Variants in MAP4 observed in about 807,000 individuals in gnomAD.
MAP4 encodes microtubule associated protein 4.
Under a neutral mutation model 170.2 loss-of-function variants are expected in MAP4, and 76 were observed. The observed-to-expected ratio is 0.45, with a 90% CI of 0.37 to 0.54. MAP4 has a LOEUF of 0.54. Among genes scored for constraint, MAP4 ranks in the 20% least tolerant of loss-of-function variants. The pLI, the probability that MAP4 is intolerant of heterozygous loss-of-function variation, is 0.00. For synonymous variants in MAP4, 909 were observed against 994.5 expected, an observed-to-expected ratio of 0.91 and a Z score of 1.62; for missense variants, 2,506 against 2,748.0, an observed-to-expected ratio of 0.91 and a Z score of 1.97.
At chr3:48,086,496 G>A (rs139649342) in intron 1 of MAP4, among the ~76,000 whole-genome samples, 10 of 152,062 alleles carry the variant, frequency 6.6e-5, no homozygotes, top group East Asian at 1.9e-4. Context: ...AAAATCAGCC[G>A]AGTGTGGTGG....
chr3:47,858,076 C>T (rs577095508), intron 17 of MAP4, among the ~76,000 whole-genome samples: 10 of 149,184 alleles, frequency 6.7e-5, no homozygotes, highest in Admixed American at 1.3e-4. Flanking sequence ...CAGGCTGGCA[C>T]GATCTTGGCT....
At position 47,858,467 on chromosome 3, in the gene MAP4, T is replaced by C. The variant is rs2060083886; in HGVS notation, c.6502-955A>G. On this transcript the variant is annotated intron_variant, in intron 17 of 20. Transcript: ENST00000683076. Reference sequence around the variant, plus strand: ...CACCAGCACCAAGGCTCCCATGAAATATCCCCTTTATTCCATCTCAAATCC... The same window carrying C: ...CACCAGCACCAAGGCTCCCATGAAACATCCCCTTTATTCCATCTCAAATCC... Among the ~76,000 whole-genome samples, 3 of 152,098 alleles carry C rather than the reference T, an allele frequency of 2.0e-5. No individual in the cohort carries two copies. In the South Asian group the frequency reaches 6.2e-4, roughly 32 times the overall value.
intron 1 of MAP4, among the ~76,000 whole-genome samples, chr3:48,083,233 C>T (rs1020742433): frequency 3.3e-5 from 5 of 152,170 alleles, no homozygotes; most frequent in Non-Finnish European, 4.4e-5. Context: ...AAAATGTTAA[C>T]GCTAAGAGAA....
At chr3:48,077,975 GAACA>G (rs2100144787) in intron 1 of MAP4, among the ~76,000 whole-genome samples, 1 of 152,134 alleles carries the variant, frequency 6.6e-6, no homozygotes, top group Admixed American at 6.6e-5. Context: ...GGAATGTCCA[GAACA>G]GACAGGAAGA....
chr3:48,034,973 A>G (rs980676940), intron 1 of MAP4, among the ~76,000 whole-genome samples: 1 of 152,136 alleles, frequency 6.6e-6, no homozygotes, highest in Non-Finnish European at 1.5e-5. Flanking sequence ...TGACTGCACC[A>G]CTGCACTCCA....
intron 1 of MAP4, among the ~76,000 whole-genome samples, chr3:48,088,612 C>T (rs1184097417): frequency 2.6e-5 from 4 of 152,144 alleles, no homozygotes; most frequent in Non-Finnish European, 5.9e-5. Context: ...CTGGCCCCCT[C>T]CCTCGGACGC....
At chr3:47,969,550 T>C (rs1175872653) in intron 3 of MAP4, among the ~76,000 whole-genome samples, 1 of 152,192 alleles carries the variant, frequency 6.6e-6, no homozygotes, top group Non-Finnish European at 1.5e-5. Flanking sequence ...AATCTTGCTT[T>C]GAAGTAACCT....
At chr3:47,857,014 T>C (rs1384441689) in intron 18 of MAP4, among the ~76,000 whole-genome samples, 1 of 152,246 alleles carries the variant, frequency 6.6e-6, no homozygotes, top group African/African-American at 2.4e-5. Flanking sequence ...TAGCGGCTGA[T>C]GCTTCACTGG....
At position 47,910,970 on chromosome 3, in the gene MAP4, C is replaced by T. The variant is rs1559422332; in HGVS notation, c.3451G>A (p.Ala1151Thr). Residue 1151 changes from alanine (A) to threonine (T), a missense_variant, in exon 9 of 21, where the codon GCA becomes ACA. By Grantham distance (58) the Ala-to-Thr change is moderately conservative (BLOSUM62 0). Coordinates refer to ENST00000683076, the MANE Select transcript of MAP4 (RefSeq NM_001385682.1). ...EPKEMTQPKV[A>T]GTMQALIPLE... The stretch of plus-strand genomic sequence containing the variant: ...GGAATCAATGCCTGCATGGTGCCTG[C>T]CACCTTAGGCTGAGTCATCTCTTTA... 3 of 1,536,166 alleles carry T rather than the reference C, an allele frequency of 2.0e-6. No individual in the cohort carries two copies. In the Admixed American group the frequency reaches 5.9e-5, roughly 30 times the overall value.
intron 12 of MAP4, 69 bp downstream of exon 12, chr3:47,875,616 A>T: frequency 7.5e-7 from 1 of 1,328,998 alleles, no homozygotes; most frequent in South Asian, 1.3e-5. Context: ...TGTTAGCAAC[A>T]AGGATCTGTC....
At chr3:47,957,647 C>T (rs1183066952) in intron 3 of MAP4, among the ~76,000 whole-genome samples, 2 of 152,144 alleles carry the variant, frequency 1.3e-5, no homozygotes, top group Non-Finnish European at 2.9e-5. Flanking sequence ...AAAGTCATTT[C>T]ATAGTAAAGA....
intron 10 of MAP4, among the ~76,000 whole-genome samples, chr3:47,898,550 A>T (rs2100028285): frequency 6.6e-6 from 1 of 152,088 alleles, no homozygotes; most frequent in Non-Finnish European, 1.5e-5. Flanking sequence ...GCATACAAAG[A>T]TATTAAATGG....
At chr3:48,005,261 T>G (rs535632007) in intron 1 of MAP4, among the ~76,000 whole-genome samples, 1 of 151,770 alleles carries the variant, frequency 6.6e-6, no homozygotes, top group South Asian at 2.1e-4. Flanking sequence ...CTCGGCAGGC[T>G]GAGGCAGGAG....
intron 10 of MAP4, among the ~76,000 whole-genome samples, chr3:47,897,158 G>A (rs1474782975): frequency 4.6e-5 from 7 of 152,038 alleles, no homozygotes; most frequent in South Asian, 2.1e-4. Flanking sequence ...AGGGGGTCTC[G>A]CTTTGTTGCC....
At chr3:47,873,149 C>A (rs1391468894) in intron 12 of MAP4, among the ~76,000 whole-genome samples, 1 of 152,158 alleles carries the variant, frequency 6.6e-6, no homozygotes, top group Non-Finnish European at 1.5e-5. Context: ...TGAGAAGAGG[C>A]AGGCCTGATC....
intron 1 of MAP4, among the ~76,000 whole-genome samples, chr3:48,047,521 G>A (rs2100125227): frequency 6.6e-6 from 1 of 152,186 alleles, no homozygotes; most frequent in African/African-American, 2.4e-5. Context: ...AAGTGGGGAG[G>A]GAATTCATGT....
Position 47,871,402 on chromosome 3 carries a change from G to A in MAP4, c.5942-116C>T, listed in dbSNP as rs926721685. 2.4e-5 allele frequency: 21 copies of A among 864,772 alleles called. 1 individual carries two copies. The highest frequency in any genetic ancestry group is 3.8e-5 in the Non-Finnish European group (20 of 521,692). The allele number at this position is 864,772 out of a possible 1,614,324, so 53.6% of individuals were successfully genotyped here. On this transcript the variant is annotated intron_variant, in intron 13 of 20. Coordinates refer to ENST00000683076, the MANE Select transcript of MAP4 (RefSeq NM_001385682.1). ...TACTGAATATCTACTTTGAGCCAGG[G>A]ACTGTGTTAGTCCCTGGGAATGGAG...
In MAP4 at chr3:47,914,511, T is replaced by C. The variant is rs543598016; in HGVS notation, c.1999+306A>G. Among the ~76,000 whole-genome samples, 29 of 150,746 alleles carry C rather than the reference T, an allele frequency of 1.9e-4. 1 individual carries two copies. In the South Asian group the frequency reaches 3.6e-3, roughly 19 times the overall value. The stretch of plus-strand genomic sequence containing the variant: ...GATGCAGTGAGCCAAGATCACGCCA[T>C]TGCACGCCAGCCTGGGCGACAGAGT... On this transcript the variant is annotated intron_variant, in intron 8 of 20. Coordinates refer to ENST00000683076, the MANE Select transcript of MAP4 (RefSeq NM_001385682.1).
chr3:47,945,444 C>T (rs1209386471), intron 3 of MAP4, among the ~76,000 whole-genome samples: 3 of 152,058 alleles, frequency 2.0e-5, no homozygotes, highest in East Asian at 3.9e-4. Context: ...TCTGTTTAGT[C>T]CTTTGAGAAC....
Sources: gnomAD v4.1 joint callset for allele counts (sites outside exome capture counted in the v4.1 genomes callset) on GRCh38, gnomAD v4.1.1 for gene constraint, MANE v1.5 for transcripts, NCBI Gene and HGNC (gene_info 2026-07-23, HGNC 2026-07-21) for gene names.